ATG16L2: variants seen among roughly 807,000 people sequenced by gnomAD.
ATG16L2 encodes autophagy related 16 like 2.
In ATG16L2, 77 loss-of-function variants were observed where a neutral mutation model predicts 84.7. The ratio of observed to expected loss-of-function variants is 0.91; its 90% CI spans 0.76 to 1.10. The LOEUF is 1.10. ATG16L2 is among the 50% of genes least tolerant of loss of function. The probability of loss-of-function intolerance (pLI) is 0.00; values close to 1 mark genes in which losing one functional copy is unlikely to be tolerated. For synonymous variants in ATG16L2, 361 were observed against 342.8 expected (o/e 1.05, Z -0.59); for missense variants, 782 against 817.6 (o/e 0.96, Z 0.53).
chr11:72,836,329 C>A (rs1860725804), intron 5 of ATG16L2, among the ~76,000 whole-genome samples: 1 of 152,180 alleles, frequency 6.6e-6, no homozygotes, highest in South Asian at 2.1e-4. Flanking sequence ...AGGGGAGAGG[C>A]ATCCAGAATG....
chr11:72,815,724 G>A lies in ATG16L2; in HGVS notation c.119-1004G>A, dbSNP rs534683991. The stretch of plus-strand genomic sequence containing the variant: ...GAGGTGGGGTTTTCATGAGAACTAG[G>A]CCAGGCCCAGGGCCTCAGTCAAGGT... On this transcript the variant is annotated intron_variant, in intron 1 of 17. Coordinates refer to ENST00000321297, the MANE Select transcript of ATG16L2 (RefSeq NM_033388.2). Among the ~76,000 whole-genome samples the A allele has an allele frequency of 5.3e-5, 8 of 152,246 alleles. No individual in the cohort carries two copies. In the South Asian group the frequency reaches 8.3e-4, roughly 16 times the overall value.
chr11:72,822,720 C>A lies in ATG16L2; in HGVS notation c.711-128C>A. 2.0e-6 allele frequency: 2 copies of A among 1,025,308 alleles called. No homozygotes were observed. The highest frequency in any genetic ancestry group is 2.9e-6 in the Non-Finnish European group (2 of 701,074). 63.5% of individuals were successfully genotyped at this position (1,025,308 alleles called of 1,614,324 possible). On this transcript the variant is annotated intron_variant, in intron 6 of 17. Transcript: ENST00000321297. This position sits in a 1 kb window ranked among gnomAD's most constrained non-coding sequence, Gnocchi z 4.2. ...TGGTCGTAGGAGCCTGCATGCGTGA[C>A]CGCTGCACGTGTACACCCACACAGA...
chr11:72,817,951 C>A, intron 3 of ATG16L2, 96 bp downstream of exon 3: 1 of 1,115,498 alleles, frequency 9.0e-7, no homozygotes, highest in Non-Finnish European at 1.3e-6. Flanking sequence ...ATTCTCCAAG[C>A]CCAGTGCTGC....
chr11:72,828,520 A>G lies in ATG16L2; in HGVS notation c.1622+12A>G, dbSNP rs138135570. 3,749 of 1,613,726 alleles carry G rather than the reference A, an allele frequency of 2.3e-3. 69 individuals are homozygous for G. The highest frequency in any genetic ancestry group is 5.1e-4 in the South Asian group (46 of 91,078). On this transcript the variant is annotated intron_variant, in intron 15 of 17. Coordinates refer to ENST00000321297, the MANE Select transcript of ATG16L2 (RefSeq NM_033388.2). ...CGCCAGGTGTTCAGGTACCAGCCTC[A>G]TGCCTGCTGACCCTGTGGCCTTTGC... is the stretch of plus-strand genomic sequence containing the variant.
chr11:72,841,027 G>T, intron 5 of ATG16L2: 3 of 1,203,222 alleles, frequency 2.5e-6, no homozygotes, highest in Non-Finnish European at 2.4e-6. Context: ...TGCAAGGCTG[G>T]CATGGTGGCT....
intron 8 of ATG16L2, 75 bp from the exon 9 acceptor site, chr11:72,824,659 C>T: frequency 9.3e-7 from 1 of 1,079,842 alleles, no homozygotes; most frequent in Admixed American, 1.7e-5. Flanking sequence ...TGGTTGATGC[C>T]TCAGGGGAGC....
chr11:72,838,895 T>C, intron 5 of ATG16L2: 1 of 1,592,798 alleles, frequency 6.3e-7, no homozygotes, highest in Non-Finnish European at 8.6e-7. Context: ...AACAATTACG[T>C]AGTTTGTCAG....
intron 15 of ATG16L2, 80 bp downstream of exon 15, chr11:72,828,588 G>A: frequency 1.2e-6 from 2 of 1,600,596 alleles, no homozygotes; most frequent in Non-Finnish European, 1.7e-6. Flanking sequence ...GACCCTCTTG[G>A]AGCCCTCCCT....
chr11:72,842,992 T>C (rs1861008233), exon 6 of ATG16L2: 1 of 868,298 alleles, frequency 1.2e-6, no homozygotes, highest in Admixed American at 2.7e-5. Flanking sequence ...TGATTAACTT[T>C]AGGGTTCTAC....
In ATG16L2 at chr11:72,822,855, G is replaced by A. The variant is rs1230978959; in HGVS notation, c.718G>A (p.Asp240Asn). 1 of 1,558,886 alleles carries A rather than the reference G, an allele frequency of 6.4e-7. No individual in the cohort carries two copies. The highest frequency in any genetic ancestry group is 2.0e-5 in the Admixed American group (1 of 51,044). ...KRTVSISEGP[D>N]TLGDGMRERR... Reference sequence around the variant, plus strand: ...CTTCATTACCTCTCCTAGGGGCCCGGACACCCTAGGCGATGGGATGAGGGA... The same window carrying A: ...CTTCATTACCTCTCCTAGGGGCCCGAACACCCTAGGCGATGGGATGAGGGA... Residue 240 changes from aspartate (D) to asparagine (N), a missense_variant, in exon 7 of 18, where the codon GAC becomes AAC. By Grantham distance (23) the Asp-to-Asn change is conservative. Coordinates refer to ENST00000321297, the MANE Select transcript of ATG16L2 (RefSeq NM_033388.2). This position sits in a 1 kb window ranked among gnomAD's most constrained non-coding sequence, Gnocchi z 4.2.
At chr11:72,828,848 C>G (rs765573524) in intron 16 of ATG16L2, 35 bp from the exon 17 acceptor site, 2 of 1,613,498 alleles carry the variant, frequency 1.2e-6, no homozygotes, top group Non-Finnish European at 1.7e-6. Flanking sequence ...TCCCCTCTGA[C>G]CCCCCGTTTT....
chr11:72,829,938 G>A (rs367969271), downstream of ATG16L2, among the ~76,000 whole-genome samples: 1 of 152,208 alleles, frequency 6.6e-6, no homozygotes, highest in East Asian at 1.9e-4. Context: ...GAGGGGCTGG[G>A]GGAGCTCTGA....
Position 72,828,719 on chromosome 11 carries a change from C to T in ATG16L2, c.1623-10C>T. ...ACCTCTGTTCTGACCCCAGCCCTGT[C>T]TGTCCTCAGGGCCGATGGCTTCAAG... On this transcript the variant is annotated splice_polypyrimidine_tract_variant and intron_variant, in intron 15 of 17. Transcript: ENST00000321297. The T allele has an allele frequency of 1.2e-6, 2 of 1,614,098 alleles. No homozygotes were observed. The highest frequency in any genetic ancestry group is 1.7e-6 in the Non-Finnish European group (2 of 1,179,958).
chr11:72,835,785 G>A (rs923151420), intron 5 of ATG16L2, among the ~76,000 whole-genome samples: 6 of 120,088 alleles, frequency 5.0e-5, no homozygotes, highest in East Asian at 2.3e-4. Context: ...TTTCACTCTT[G>A]TTCCCCAGAC....
chr11:72,842,717 C>T (rs777862692), exon 6 of ATG16L2: 1 of 1,613,988 alleles, frequency 6.2e-7, no homozygotes, highest in African/African-American at 1.3e-5. Context: ...CATTGAATTC[C>T]CCTTCCCAGA....
rs1248345465 is a variant in ATG16L2, at chr11:72,817,749, T to C, written c.219-7T>C. 6.2e-7 allele frequency: 1 copy of C among 1,613,548 alleles called. No homozygotes were observed. The highest frequency in any genetic ancestry group is 8.5e-7 in the Non-Finnish European group (1 of 1,179,892). On this transcript the variant is annotated splice_polypyrimidine_tract_variant and splice_region_variant and intron_variant, in intron 2 of 17. Coordinates refer to ENST00000321297, the MANE Select transcript of ATG16L2 (RefSeq NM_033388.2). ...GGACATTGAGCACCACTCTGATTGG[T>C]TGGCAGGGAGGAGTCAGAGCTTGAC...
At chr11:72,838,479 G>A (rs2135142801) in intron 5 of ATG16L2, 1 of 405,052 alleles carries the variant, frequency 2.5e-6, no homozygotes, top group East Asian at 4.7e-5. Context: ...GCCCTGGAAT[G>A]AGGCCTGTTC....
chr11:72,829,293 CT>C lies in ATG16L2; in HGVS notation c.1773-7del. On this transcript the variant is annotated splice_polypyrimidine_tract_variant and intron_variant, in intron 17 of 17. Coordinates refer to ENST00000321297, the MANE Select transcript of ATG16L2 (RefSeq NM_033388.2). ...AAGCCCCCCTGAAGCCTGCCCCTCC[CT>C]TTCCCCAGCGCTGCCGTCAACGCCG... is the stretch of plus-strand genomic sequence containing the variant. 6.2e-7 allele frequency: 1 copy of C among 1,612,414 alleles called. No individual in the cohort carries two copies. Among genetic ancestry groups the C allele is most frequent in the Non-Finnish European group, 8.5e-7 (1 of 1,179,088 alleles).
Position 72,827,197 on chromosome 11 carries a change from C to G in ATG16L2, c.1376C>G (p.Thr459Ser). 3.7e-6 allele frequency: 6 copies of G among 1,613,874 alleles called. No homozygotes were observed. The highest frequency in any genetic ancestry group is 5.1e-6 in the Non-Finnish European group (6 of 1,179,792). The stretch of plus-strand genomic sequence containing the variant: ...GCTGCTTGGTCCCCAGGCTCCAGGA[C>G]CATCAATGTCCTTTCCTACTGTAAT... ...WDLGRAYCSR[T>S]INVLSYCNDV... Residue 459 changes from threonine to serine, a missense_variant, in exon 14 of 18, where the codon ACC (threonine) becomes AGC (serine). Thr to Ser is a moderately conservative substitution (Grantham distance 58, BLOSUM62 1). Coordinates refer to ENST00000321297, the MANE Select transcript of ATG16L2 (RefSeq NM_033388.2).
Sources: allele counts gnomAD v4.1 joint callset (sites outside exome capture counted in the v4.1 genomes callset), GRCh38; gene constraint gnomAD v4.1.1; non-coding constraint Gnocchi (gnomAD v3.1); transcripts MANE v1.5; gene names NCBI Gene and HGNC (gene_info 2026-07-23, HGNC 2026-07-21).